VWCE: variants seen among roughly 807,000 people sequenced by gnomAD.
VWCE encodes von Willebrand factor C and EGF domains.
In VWCE, 68 loss-of-function variants were observed where a neutral mutation model predicts 102.9. The observed-to-expected ratio is 0.66, with a 90% CI of 0.54 to 0.81. VWCE has a LOEUF of 0.81. Ranked by LOEUF, VWCE falls within the 30% of genes least tolerant of loss-of-function variation. The probability of loss-of-function intolerance (pLI) is 0.00; values close to 1 mark genes in which losing one functional copy is unlikely to be tolerated. For synonymous variants in VWCE, 497 were observed against 515.4 expected (o/e 0.96, Z 0.48); for missense variants, 1,137 against 1,263.6 (o/e 0.90, Z 1.52).
At chr11:61,271,094 C>G (rs1201071886) in intron 14 of VWCE, 1 of 153,930 alleles carries the variant, frequency 6.5e-6, no homozygotes, top group Non-Finnish European at 1.4e-5. Flanking sequence ...ATCTTCCCAC[C>G]TCAGCTATGT....
intron 19 of VWCE, among the ~76,000 whole-genome samples, chr11:61,264,277 C>T (rs1854443650): frequency 7.2e-6 from 1 of 138,762 alleles, no homozygotes; most frequent in Admixed American, 7.2e-5. Flanking sequence ...AAAGGGAGTG[C>T]AAATAAACAG....
Position 61,273,211 on chromosome 11 carries a change from T to C in VWCE, c.1687A>G (p.Thr563Ala). 1 of 1,613,770 alleles carries C rather than the reference T, an allele frequency of 6.2e-7. No individual in the cohort carries two copies. The highest frequency in any genetic ancestry group is 8.5e-7 in the Non-Finnish European group (1 of 1,179,950). The change falls in exon 13 of 20, where the codon ACA becomes GCA. Residue 563 changes from threonine to alanine, a missense_variant. This residue lies in a region of VWCE where 212 missense variants were observed against 235.1 expected (regional missense o/e 0.90). Coordinates refer to ENST00000335613, the MANE Select transcript of VWCE (RefSeq NM_152718.2). ...GQCCFTCQEP[T>A]PSTGCSLDDN... ...TGGACCAGCTCACCTGTCGAGGGTG[T>C]GGGCTCCTGGCAGGTGAAGCAACAC...
chr11:61,274,644 G>A (rs530568181), intron 11 of VWCE, 60 bp from the exon 12 acceptor site: 5 of 1,542,994 alleles, frequency 3.2e-6, no homozygotes, highest in Non-Finnish European at 4.5e-6. Context: ...CTAAAGAAAG[G>A]GGGGAACAAA....
intron 5 of VWCE, among the ~76,000 whole-genome samples, chr11:61,283,687 C>T (rs1367432011): frequency 6.6e-6 from 1 of 152,198 alleles, no homozygotes; most frequent in Non-Finnish European, 1.5e-5. Flanking sequence ...GCGTGAGCCA[C>T]TGCACCTGGC....
chr11:61,281,713 AT>A (rs1855142283), intron 7 of VWCE, 72 bp downstream of exon 7: 1 of 1,418,712 alleles, frequency 7.0e-7, no homozygotes, highest in Non-Finnish European at 9.4e-7. Context: ...GGGCCAGGCT[AT>A]GGGGGGGCGT....
chr11:61,267,511 T>C lies in VWCE; in HGVS notation c.1916A>G (p.Asn639Ser). 5.0e-6 allele frequency: 8 copies of C among 1,613,886 alleles called. No homozygotes were observed. Among genetic ancestry groups the C allele is most frequent in the Non-Finnish European group, 5.1e-6 (6 of 1,179,956 alleles). The change falls in exon 16 of 20, where the codon AAC becomes AGC. Residue 639 changes from asparagine to serine, a missense_variant. Asn to Ser is a conservative substitution (Grantham distance 46, BLOSUM62 1). Coordinates refer to ENST00000335613, the MANE Select transcript of VWCE (RefSeq NM_152718.2). ...CTYTGRIFYN[N>S]ETFPSVLDPC... is the part of the protein sequence containing the mutation. ...GTCCAGCACAGACGGGAAGGTCTCG[T>C]TGTTATAGAAGATTCTGCCTGTGTA...
chr11:61,281,305 G>A lies in VWCE; in HGVS notation c.788-70C>T, dbSNP rs1436205171. 2.6e-6 allele frequency: 4 copies of A among 1,568,232 alleles called. No individual in the cohort carries two copies. The African/African-American group carries it at 4.1e-5, about 16-fold the overall frequency. ...AGGAGGCAGGGTTTAGGGAGACCTGGGCTCGGCTCCACCACCACAAGTCCC... is the reference window on the plus strand; with the variant it reads ...AGGAGGCAGGGTTTAGGGAGACCTGAGCTCGGCTCCACCACCACAAGTCCC... On this transcript the variant is annotated intron_variant, in intron 7 of 19. Transcript: ENST00000335613.
chr11:61,269,917 ATT>A (rs5792221), intron 14 of VWCE, among the ~76,000 whole-genome samples: 17,822 of 128,290 alleles, frequency 0.14, 3,259 homozygotes, highest in African/African-American at 0.45. Context: ...AGCTTACAGC[ATT>A]TTTTTTTTTT....
rs1854459093 is a variant in VWCE, at chr11:61,264,680, G to T, written c.2140-103C>A. The T allele has an allele frequency of 5.5e-6, 7 of 1,283,020 alleles. No homozygotes were observed. In the African/African-American group the frequency reaches 8.9e-5, roughly 16 times the overall value. 79.5% of individuals were successfully genotyped at this position (1,283,020 alleles called of 1,614,324 possible). On this transcript the variant is annotated intron_variant, in intron 18 of 19. Coordinates refer to ENST00000335613, the MANE Select transcript of VWCE (RefSeq NM_152718.2). Reference sequence around the variant, plus strand: ...GCACCAGCAGCAGGACCCACGGAAAGATCCCAGGACAGAGGCTGCAGTGCC... The same window carrying T: ...GCACCAGCAGCAGGACCCACGGAAATATCCCAGGACAGAGGCTGCAGTGCC...
chr11:61,264,557 C>G lies in VWCE; in HGVS notation c.2160G>C (p.Glu720Asp). The G allele has an allele frequency of 6.2e-7, 1 of 1,611,404 alleles. No homozygotes were observed. The highest frequency in any genetic ancestry group is 8.5e-7 in the Non-Finnish European group (1 of 1,179,040). Residue 720 changes from glutamate (E) to aspartate (D), a missense_variant, in exon 19 of 20, where the codon GAG (glutamate) becomes GAC (aspartate). Glu to Asp is a conservative substitution (Grantham distance 45). Around this residue, in one of 5 missense-constraint regions of VWCE, gnomAD observed 316 missense variants for 319.3 expected, o/e 0.99. Coordinates refer to ENST00000335613, the MANE Select transcript of VWCE (RefSeq NM_152718.2). ...CTCQLGEVSC[E>D]KVPCQRACAD... ...CACAGGCCCGCTGGCAGGGAACCTT[C>G]TCACAGCTCACCTCTCCCAGCTGGG...
chr11:61,281,049 A>C lies in VWCE; in HGVS notation c.974T>G (p.Leu325Arg). ...AGGGGCAGAAGGGGAGGATGTGGGT[A>C]GTCGTGGGGTGGGAGATGGCAGGCG... ...TTRLPSPTPR[L>R]PTSSPSAPVW... Residue 325 changes from leucine to arginine, a missense_variant, in exon 8 of 20, where the codon CTA becomes CGA. Leu to Arg is a moderately radical substitution (Grantham distance 102). Coordinates refer to ENST00000335613, the MANE Select transcript of VWCE (RefSeq NM_152718.2). The C allele has an allele frequency of 6.3e-7, 1 of 1,591,082 alleles. No individual in the cohort carries two copies. Among genetic ancestry groups the C allele is most frequent in the Non-Finnish European group, 8.6e-7 (1 of 1,168,314 alleles).
At position 61,259,283 on chromosome 11, in the gene VWCE, C is replaced by T; in HGVS notation, c.2260G>A (p.Gly754Arg). The T allele has an allele frequency of 1.3e-6, 2 of 1,594,018 alleles. No individual in the cohort carries two copies. Among genetic ancestry groups the T allele is most frequent in the South Asian group, 1.1e-5 (1 of 88,614 alleles). The change falls in exon 20 of 20, where the codon GGG becomes AGG. Residue 754 changes from glycine (G) to arginine (R), a missense_variant. Physicochemically the swap from Gly to Arg is moderately radical, Grantham distance 125. Coordinates refer to ENST00000335613, the MANE Select transcript of VWCE (RefSeq NM_152718.2). ...DSLSPLEEKQGLSPHGNVAFS... is the reference protein window; with the variant it reads ...DSLSPLEEKQRLSPHGNVAFS... ...GCCACATTTCCGTGAGGGGAGAGCC[C>T]CTGCTTTTCTTCCAGAGGAGACAGG...
At chr11:61,269,079 C>A in intron 14 of VWCE, 61 bp from the exon 15 acceptor site, 1 of 1,521,312 alleles carries the variant, frequency 6.6e-7, no homozygotes, top group South Asian at 1.2e-5. Flanking sequence ...GCCTCCCCGC[C>A]CTGCAAAAGA....
Position 61,278,383 on chromosome 11 carries a change from G to C in VWCE, c.1407+11C>G. The C allele has an allele frequency of 6.2e-7, 1 of 1,614,026 alleles. No homozygotes were observed. Among genetic ancestry groups the C allele is most frequent in the Non-Finnish European group, 8.5e-7 (1 of 1,179,960 alleles). ...ACACCCACGAGGCTTTGAGGATCTT[G>C]TGACGCTTACCAGACAGACACAGAC... On this transcript the variant is annotated intron_variant, in intron 10 of 19. Coordinates refer to ENST00000335613, the MANE Select transcript of VWCE (RefSeq NM_152718.2).
intron 12 of VWCE, 55 bp downstream of exon 12, chr11:61,274,444 G>A: frequency 1.9e-6 from 3 of 1,541,938 alleles, no homozygotes; most frequent in Non-Finnish European, 2.7e-6. Flanking sequence ...AAAGTGTTGT[G>A]CCTCGCTCCC....
chr11:61,259,084 G>C lies in VWCE; in HGVS notation c.2459C>G (p.Ala820Gly), dbSNP rs1486495062. ...CAAAGCGAGTGAGTGTGGACCATGA[G>C]CTCCTGCCGGGCTTGTAGGTAAAGT... ...TQTLPTSPAGAHGPHSLALGL... is the reference protein window; with the variant it reads ...TQTLPTSPAGGHGPHSLALGL... The change falls in exon 20 of 20, where the codon GCT becomes GGT. Residue 820 changes from alanine to glycine, a missense_variant. Physicochemically the swap from Ala to Gly is moderately conservative, Grantham distance 60. Coordinates refer to ENST00000335613, the MANE Select transcript of VWCE (RefSeq NM_152718.2). 1 of 1,613,946 alleles carries C rather than the reference G, an allele frequency of 6.2e-7. No homozygotes were observed. The highest frequency in any genetic ancestry group is 8.5e-7 in the Non-Finnish European group (1 of 1,179,960).
intron 15 of VWCE, among the ~76,000 whole-genome samples, chr11:61,268,160 T>C (rs1373891949): frequency 1.3e-5 from 2 of 151,758 alleles, no homozygotes; most frequent in South Asian, 2.1e-4. Flanking sequence ...TGTGTGAGCA[T>C]CACAAAAAGA....
chr11:61,268,208 T>C (rs1238011169), intron 15 of VWCE, among the ~76,000 whole-genome samples: 1 of 152,082 alleles, frequency 6.6e-6, no homozygotes, highest in African/African-American at 2.4e-5. Flanking sequence ...ACAGTGCTAA[T>C]AGGTCCTTGC....
At chr11:61,270,315 G>A (rs941026835) in intron 14 of VWCE, among the ~76,000 whole-genome samples, 5 of 152,234 alleles carry the variant, frequency 3.3e-5, no homozygotes, top group Admixed American at 3.3e-4. Context: ...AGGTTAAAAT[G>A]CAGTTTGTGA....
Sources: allele counts gnomAD v4.1 joint callset (sites outside exome capture counted in the v4.1 genomes callset), GRCh38; gene constraint gnomAD v4.1.1; regional missense constraint gnomAD v4.1.1; transcripts MANE v1.5; gene names NCBI Gene and HGNC (gene_info 2026-07-23, HGNC 2026-07-21).